The following SRP19 variants were observed in gnomAD, a reference collection of about 807,000 sequenced individuals.
SRP19 encodes signal recognition particle 19 kDa protein.
A neutral mutation model predicts 22.4 loss-of-function variants in SRP19; 11 were observed. The ratio of observed to expected loss-of-function variants is 0.49; its 90% CI spans 0.31 to 0.81. SRP19 has a LOEUF of 0.81. Ranked by LOEUF, SRP19 falls within the 40% of genes least tolerant of loss-of-function variation. The probability of loss-of-function intolerance (pLI) is 0.05; values close to 1 mark genes in which losing one functional copy is unlikely to be tolerated. For synonymous variants in SRP19, 61 were observed against 57.6 expected (o/e 1.06, Z -0.27); for missense variants, 168 against 175.9 (o/e 0.96, Z 0.25).
chr5:112,875,428 G>A (rs1176578264), intron 4 of SRP19, among the ~76,000 whole-genome samples: 2 of 151,552 alleles, frequency 1.3e-5, no homozygotes, highest in Admixed American at 1.3e-4. Flanking sequence ...GAGTGCACTG[G>A]CACCGTCTTG....
chr5:112,872,519 G>A (rs774402164), downstream of SRP19, among the ~76,000 whole-genome samples: 2 of 151,954 alleles, frequency 1.3e-5, no homozygotes, highest in Non-Finnish European at 2.9e-5. Flanking sequence ...AGTAGAGATG[G>A]GGTTTCGCTG....
Position 112,868,080 on chromosome 5 carries a change from T to C in SRP19, c.*543T>C. The C allele has an allele frequency of 2.0e-6, 2 of 985,450 alleles. No homozygotes were observed. The highest frequency in any genetic ancestry group is 1.2e-6 in the Non-Finnish European group (1 of 829,928). 61.0% of individuals were successfully genotyped at this position (985,450 alleles called of 1,614,324 possible). Reference sequence around the variant, plus strand: ...AAAAGCCAGTCTGTAGATGATATTTTAATATATTATTGTAATCGAATCGTT... The same window carrying C: ...AAAAGCCAGTCTGTAGATGATATTTCAATATATTATTGTAATCGAATCGTT... On this transcript the variant is annotated 3_prime_UTR_variant, in exon 5 of 5. Transcript: ENST00000505459.
chr5:112,896,527 C>G (rs1453956181), downstream of SRP19: 3 of 151,268 alleles, frequency 2.0e-5, no homozygotes, highest in African/African-American at 7.3e-5. Context: ...AACTCCATCT[C>G]AAAAAAAAGA....
chr5:112,887,072 C>T, intron 4 of SRP19: 1 of 1,613,690 alleles, frequency 6.2e-7, no homozygotes, highest in Non-Finnish European at 8.5e-7. Flanking sequence ...TCCTTGACCA[C>T]ACTGTCCATC....
downstream of SRP19, among the ~76,000 whole-genome samples, chr5:112,873,088 CTTTTT>C (rs34944142): frequency 8.6e-6 from 1 of 116,666 alleles, no homozygotes; most frequent in Admixed American, 8.9e-5. Context: ...TTGTGTGGGT[CTTTTT>C]TTTTTTTTTT....
chr5:112,893,976 G>A (rs1768591336), downstream of SRP19: 1 of 152,184 alleles, frequency 6.6e-6, no homozygotes, highest in Admixed American at 6.5e-5. Flanking sequence ...GACCCAAAAT[G>A]GAGAATTAAA....
In SRP19 at chr5:112,862,647, C is replaced by A. The variant is rs150555680; in HGVS notation, c.117+64C>A. The A allele has an allele frequency of 4.4e-4, 643 of 1,462,620 alleles. 3 individuals carry two copies. In the East Asian group the frequency reaches 0.014, roughly 31 times the overall value. The allele number at this position is 1,462,620 out of a possible 1,614,324, so 90.6% of individuals were successfully genotyped here. A position where few individuals can be genotyped will look rare whatever the true frequency, so the allele number is the denominator to read the frequency against. ...GGGGGGTGTCATCCTGGTCGGGCCA[C>A]GTAATCTTGTTAGAGCCGCAGGGGG... On this transcript the variant is annotated intron_variant, in intron 2 of 4. Transcript: ENST00000505459.
At chr5:112,864,763 C>T (rs1233208213) in intron 4 of SRP19, 31 bp downstream of exon 4, 1 of 1,529,364 alleles carries the variant, frequency 6.5e-7, no homozygotes, top group African/African-American at 1.4e-5. Flanking sequence ...CAGTGGGGCT[C>T]AGGGATAGGT....
downstream of SRP19, chr5:112,894,127 T>G (rs534451470): frequency 5.3e-5 from 8 of 151,004 alleles, no homozygotes; most frequent in South Asian, 8.4e-4. Flanking sequence ...TTTTTTTGTT[T>G]TTTTTTTTTT....
intron 4 of SRP19, among the ~76,000 whole-genome samples, chr5:112,875,978 C>T (rs576440221): frequency 2.3e-3 from 346 of 150,924 alleles, no homozygotes; most frequent in African/African-American, 7.9e-3. Context: ...ACCCGGGAGG[C>T]GGCTGAGATT....
intron 4 of SRP19, chr5:112,878,289 C>G (rs969283434): frequency 6.5e-6 from 1 of 154,894 alleles, no homozygotes; most frequent in Non-Finnish European, 1.4e-5. Flanking sequence ...TCCCCTGCTC[C>G]CTCCCCATGA....
chr5:112,895,341 TC>T (rs1229064668), downstream of SRP19: 1 of 151,550 alleles, frequency 6.6e-6, no homozygotes. Flanking sequence ...TTTAGGAAAG[TC>T]ACAAATTAAT....
downstream of SRP19, among the ~76,000 whole-genome samples, chr5:112,873,424 G>A (rs1203058532): frequency 7.3e-5 from 10 of 137,706 alleles, no homozygotes; most frequent in Non-Finnish European, 1.2e-4. Flanking sequence ...TCGGCTCACC[G>A]CAACCTCTGC....
At chr5:112,881,221 A>T (rs932289376) in intron 4 of SRP19, among the ~76,000 whole-genome samples, 1 of 151,890 alleles carries the variant, frequency 6.6e-6, no homozygotes. Flanking sequence ...ATTCAAGTAG[A>T]CTGGATTTGT....
At chr5:112,875,874 G>T (rs1380420052) in intron 4 of SRP19, among the ~76,000 whole-genome samples, 1 of 151,834 alleles carries the variant, frequency 6.6e-6, no homozygotes, top group South Asian at 2.1e-4. Context: ...GTGAAACCCC[G>T]TCTCTACTAA....
chr5:112,877,438 T>G (rs563847835), intron 4 of SRP19: 2 of 152,182 alleles, frequency 1.3e-5, no homozygotes, highest in African/African-American at 4.8e-5. Flanking sequence ...TCCAGACAAA[T>G]TGCTCTCTAT....
downstream of SRP19, chr5:112,896,361 T>G (rs1195804030): frequency 6.6e-6 from 1 of 151,834 alleles, no homozygotes; most frequent in Non-Finnish European, 1.5e-5. Context: ...CCATCTCTAC[T>G]AAAAATACAA....
At chr5:112,867,348 G>T (rs1487005759) in intron 4 of SRP19, 56 bp from the exon 5 acceptor site, 2 of 1,554,486 alleles carry the variant, frequency 1.3e-6, no homozygotes, top group South Asian at 1.2e-5. Context: ...TCAATTTGAT[G>T]ACTTTTTATG....
downstream of SRP19, among the ~76,000 whole-genome samples, chr5:112,871,204 G>A (rs1454590792): frequency 7.1e-6 from 1 of 141,184 alleles, no homozygotes; most frequent in East Asian, 2.1e-4. Flanking sequence ...ACAATATATT[G>A]CTGTTTCTTC....
Sources: gnomAD v4.1 joint callset for allele counts (sites outside exome capture counted in the v4.1 genomes callset) on GRCh38, gnomAD v4.1.1 for gene constraint, MANE v1.5 for transcripts, NCBI Gene and HGNC (gene_info 2026-07-23, HGNC 2026-07-21) for gene names.